The following CEP290 variants were observed in gnomAD, a reference collection of about 807,000 sequenced individuals.
The protein encoded by CEP290 is centrosomal protein 290.
Under a neutral mutation model 344.9 loss-of-function variants are expected in CEP290, and 317 were observed. The observed-to-expected ratio is 0.92, with a 90% CI of 0.84 to 1.01. The LOEUF is 1.01. Among genes scored for constraint, CEP290 ranks in the 50% least tolerant of loss-of-function variants. CEP290 has a pLI of 0.00. For missense variants in CEP290, 2,754 were observed against 2,761.4 expected (o/e 1.00, Z 0.06); for synonymous variants, 932 against 895.8 (o/e 1.04, Z -0.72).
At chr12:88,055,502 T>C in intron 50 of CEP290, 74 bp downstream of exon 50, 2 of 1,337,754 alleles carry the variant, frequency 1.5e-6, no homozygotes, top group South Asian at 1.5e-5. Context: ...TTTTTATCTA[T>C]ATAAGACAAT....
intron 26 of CEP290, among the ~76,000 whole-genome samples, chr12:88,102,333 A>G (rs2037952420): frequency 6.6e-6 from 1 of 152,230 alleles, no homozygotes; most frequent in East Asian, 1.9e-4. Context: ...GAGAATTTAC[A>G]GAGTGCATCC....
At chr12:88,094,960 CTTCA>C (rs2037323130) in intron 27 of CEP290, among the ~76,000 whole-genome samples, 1 of 152,086 alleles carries the variant, frequency 6.6e-6, no homozygotes, top group South Asian at 2.1e-4. Context: ...TTAAAAAGTA[CTTCA>C]TTATGTTCTG....
intron 12 of CEP290, 89 bp downstream of exon 12, chr12:88,126,227 G>A: frequency 9.4e-7 from 1 of 1,064,356 alleles, no homozygotes; most frequent in East Asian, 3.3e-5. Context: ...GCTACACTAG[G>A]CACTGATGAT....
At chr12:88,120,976 T>G (rs756906110) in intron 14 of CEP290, 21 bp downstream of exon 14, 30 of 1,597,600 alleles carry the variant, frequency 1.9e-5, no homozygotes, top group Middle Eastern at 3.3e-4. Context: ...GCTCCTTGAA[T>G]GACAAGATAA....
At chr12:88,076,216 T>C (rs766092283) in intron 41 of CEP290, among the ~76,000 whole-genome samples, 25 of 152,166 alleles carry the variant, frequency 1.6e-4, no homozygotes, top group Non-Finnish European at 5.9e-5. Flanking sequence ...GCAAAGCTTC[T>C]GACAGCAAGC....
At position 88,134,995 on chromosome 12, in the gene CEP290, C is replaced by T. The variant is rs376465724; in HGVS notation, c.441+1648G>A. On this transcript the variant is annotated intron_variant, in intron 6 of 53. Coordinates refer to ENST00000552810, the MANE Select transcript of CEP290 (RefSeq NM_025114.4). Reference sequence around the variant, plus strand: ...ACATCCTGCACCTCAAGGCTGATTACGGTATCTCTCTCCAGAGTATGCCAG... The same window carrying T: ...ACATCCTGCACCTCAAGGCTGATTATGGTATCTCTCTCCAGAGTATGCCAG... Among the ~76,000 whole-genome samples, 20 of 152,210 alleles carry T rather than the reference C, an allele frequency of 1.3e-4. No homozygotes were observed. In the South Asian group the frequency reaches 1.5e-3, roughly 11 times the overall value.
intron 37 of CEP290, among the ~76,000 whole-genome samples, chr12:88,080,621 G>T (rs908919750): frequency 1.3e-5 from 2 of 152,006 alleles, no homozygotes; most frequent in African/African-American, 4.8e-5. Flanking sequence ...GTAGAGATGG[G>T]GTTTCACCAT....
At position 88,071,180 on chromosome 12, in the gene CEP290, T is replaced by C. The variant is rs1444151749; in HGVS notation, c.6011+114A>G. 3.5e-6 allele frequency: 3 copies of C among 854,246 alleles called. 1 individual carries two copies. Among genetic ancestry groups the C allele is most frequent in the East Asian group, 2.7e-5 (1 of 37,296 alleles). 52.9% of individuals were successfully genotyped at this position (854,246 alleles called of 1,614,324 possible). ...AGAACCAGGAATATCTCAATTCACA[T>C]GGGAAAAGAAAACATAACCCAAGCT... On this transcript the variant is annotated intron_variant, in intron 43 of 53. Transcript: ENST00000552810.
chr12:88,059,335 CTTT>C (rs1437053646), intron 48 of CEP290, among the ~76,000 whole-genome samples: 1 of 152,088 alleles, frequency 6.6e-6, no homozygotes, highest in Non-Finnish European at 1.5e-5. Flanking sequence ...GTAAAAGATT[CTTT>C]GTTTTGACTT....
Position 88,139,876 on chromosome 12 carries a change from A to ATGCCATCATGCTTGGCG in CEP290, c.181-329_181-313dup, listed in dbSNP as rs1171101171. 7.2e-5 allele frequency among the ~76,000 whole-genome samples: 11 copies of ATGCCATCATGCTTGGCG among 152,100 alleles called. No homozygotes were observed. In the East Asian group the frequency reaches 1.8e-3, roughly 24 times the overall value. On this transcript the variant is annotated intron_variant, in intron 3 of 53. Transcript: ENST00000552810. ...CCTGAGTAGCTGGGACTACAGGTGC[A>ATGCCATCATGCTTGGCG]TGCCATCATGCTTGGCGTGCCATCA...
rs2035344739 is a variant in CEP290 at position 88,071,179 on chromosome 12, A to G, written c.6011+115T>C. 8.3e-6 allele frequency: 7 copies of G among 846,916 alleles called. No homozygotes were observed. The South Asian group carries it at 9.8e-5, about 12-fold the overall frequency. 52.5% of individuals were successfully genotyped at this position (846,916 alleles called of 1,614,324 possible). A position where few individuals can be genotyped will look rare whatever the true frequency, so the allele number is the denominator to read the frequency against. On this transcript the variant is annotated intron_variant, in intron 43 of 53. Coordinates refer to ENST00000552810, the MANE Select transcript of CEP290 (RefSeq NM_025114.4). ...AAGAACCAGGAATATCTCAATTCAC[A>G]TGGGAAAAGAAAACATAACCCAAGC...
rs2039207431 is a variant in CEP290, at chr12:88,118,546, G to A, written c.1648C>T (p.Leu550Phe). 1 of 1,585,866 alleles carries A rather than the reference G, an allele frequency of 6.3e-7. No individual in the cohort carries two copies. Among genetic ancestry groups the A allele is most frequent in the African/African-American group, 1.3e-5 (1 of 74,426 alleles). ...KEIESLEEER[L>F]DLKKKIRQMA... is the part of the protein sequence containing the mutation. ...TGACGAATTTTTTTTTTCAGATCAA[G>A]TCGTTCTTCCTCTAGACTTTCAATC... Residue 550 changes from leucine to phenylalanine, a missense_variant, in exon 17 of 54, where the codon CTT (leucine) becomes TTT (phenylalanine). Leu to Phe is a conservative substitution (Grantham distance 22). Transcript: ENST00000552810.
At chr12:88,078,302 T>G (rs2035936780) in intron 39 of CEP290, among the ~76,000 whole-genome samples, 2 of 152,120 alleles carry the variant, frequency 1.3e-5, no homozygotes, top group Admixed American at 1.3e-4. Flanking sequence ...AATCTCTGAC[T>G]TGAAGTAATT....
Position 88,054,535 on chromosome 12 carries a change from A to G in CEP290, c.6961-122T>C. 4 of 697,142 alleles carry G rather than the reference A, an allele frequency of 5.7e-6. No individual in the cohort carries two copies. The South Asian group carries it at 7.3e-5, about 13-fold the overall frequency. The allele number at this position is 697,142 out of a possible 1,614,324, so 43.2% of individuals were successfully genotyped here. On this transcript the variant is annotated intron_variant, in intron 50 of 53. Transcript: ENST00000552810. ...TGGTTTTCAAAAGCACGCATAGGCA[A>G]ATTTCTATGTTCTATTCACCATTCA...
In CEP290 at chr12:88,139,284, T is replaced by C. The variant is rs111437173; in HGVS notation, c.251-93A>G. ...ATTTCAATAACAAAATTAATTCTTT[T>C]AAAAGAGTCCATCATGATTATAAGG... On this transcript the variant is annotated intron_variant, in intron 4 of 53. Coordinates refer to ENST00000552810, the MANE Select transcript of CEP290 (RefSeq NM_025114.4). 2,379 of 623,222 alleles carry C rather than the reference T, an allele frequency of 3.8e-3. 45 individuals carry two copies. The African/African-American group carries it at 0.041, about 11-fold the overall frequency. 38.6% of individuals were successfully genotyped at this position (623,222 alleles called of 1,614,324 possible). A position where few individuals can be genotyped will look rare whatever the true frequency, so the allele number is the denominator to read the frequency against.
chr12:88,053,829 TGTACA>T (rs1408857998), intron 51 of CEP290, 83 bp from the exon 52 acceptor site: 1 of 675,394 alleles, frequency 1.5e-6, no homozygotes, highest in African/African-American at 1.8e-5. Context: ...GAACTAGTGA[TGTACA>T]GTAATCAGAA....
chr12:88,058,860 A>G lies in CEP290; in HGVS notation c.6806T>C (p.Ile2269Thr), dbSNP rs200090371. Residue 2269 changes from isoleucine to threonine, a missense_variant, in exon 49 of 54, where the codon ATT becomes ACT. Coordinates refer to ENST00000552810, the MANE Select transcript of CEP290 (RefSeq NM_025114.4). ...EGADSKSWKSIVVTRMYETKL... is the reference protein window; with the variant it reads ...EGADSKSWKSTVVTRMYETKL... ...ACTCTGTTCCTACCTTGTAACCACA[A>G]TGGATTTCCAGCTCTTACTGTCAGC... The G allele has an allele frequency of 5.3e-5, 85 of 1,613,652 alleles. No homozygotes were observed. In the East Asian group the frequency reaches 1.6e-3, roughly 30 times the overall value.
At position 88,077,747 on chromosome 12, in the gene CEP290, CT is replaced by C. The variant is rs2035887739; in HGVS notation, c.5535del (p.Glu1846ArgfsTer5). 6.3e-7 allele frequency: 1 copy of C among 1,581,530 alleles called. No individual in the cohort carries two copies. Among genetic ancestry groups the C allele is most frequent in the South Asian group, 1.2e-5 (1 of 84,210 alleles). ...ATTTGCCTTTTCAGTTCATCATTCTCTTGATCAATTTCCTCTTTCTCTCTAA... is the reference window on the plus strand; with the variant it reads ...ATTTGCCTTTTCAGTTCATCATTCTCTGATCAATTTCCTCTTTCTCTCTAA... ...KILREKEEID[Q>X]ENDELKRQIK... On this transcript the variant is annotated frameshift_variant, in exon 40 of 54. Coordinates refer to ENST00000552810, the MANE Select transcript of CEP290 (RefSeq NM_025114.4). LOFTEE classifies it high-confidence loss of function.
intron 41 of CEP290, among the ~76,000 whole-genome samples, chr12:88,073,880 T>C (rs2035566908): frequency 6.6e-6 from 1 of 152,224 alleles, no homozygotes; most frequent in African/African-American, 2.4e-5. Context: ...TCTCTAATAC[T>C]AGTCAATTTT....
Sources: gnomAD v4.1 joint callset for allele counts (sites outside exome capture counted in the v4.1 genomes callset) on GRCh38, gnomAD v4.1.1 for gene constraint, MANE v1.5 for transcripts, NCBI Gene and HGNC (gene_info 2026-07-23, HGNC 2026-07-21) for gene names.